Variants in LIMS1 observed in about 807,000 individuals in gnomAD.
The protein encoded by LIMS1 is LIM and senescent cell antigen-like-containing domain protein 1.
A neutral mutation model predicts 44.1 loss-of-function variants in LIMS1; 18 were observed. That is an observed-to-expected ratio of 0.41 (90% CI 0.28 to 0.61). The LOEUF is 0.61. Among genes scored for constraint, LIMS1 ranks in the 20% least tolerant of loss-of-function variants. LIMS1 has a pLI of 0.32. For missense variants in LIMS1, 201 were observed against 422.0 expected, an observed-to-expected ratio of 0.48 and a Z score of 4.59; for synonymous variants, 93 against 149.1, an observed-to-expected ratio of 0.62 and a Z score of 2.74.
At chr2:108,642,909 C>T (rs1284561018) in intron 1 of LIMS1, among the ~76,000 whole-genome samples, 1 of 152,150 alleles carries the variant, frequency 6.6e-6, no homozygotes, top group East Asian at 1.9e-4. Context: ...TACTGTGTGC[C>T]AACTTTGCAT....
At chr2:108,607,500 T>C (rs1276659167) in intron 1 of LIMS1, among the ~76,000 whole-genome samples, 2 of 152,204 alleles carry the variant, frequency 1.3e-5, no homozygotes, top group Non-Finnish European at 2.9e-5. Context: ...CTCTAATAAA[T>C]TTGCCTATTA....
intron 1 of LIMS1, among the ~76,000 whole-genome samples, chr2:108,650,882 A>G (rs1267885657): frequency 1.3e-5 from 2 of 150,298 alleles, no homozygotes; most frequent in Non-Finnish European, 3.0e-5. Context: ...TCATTCATTC[A>G]GCAGATTGTA....
At chr2:108,533,938 A>C (rs1341532180), upstream of LIMS1, 1 of 152,992 alleles carries the variant, frequency 6.5e-6, no homozygotes, top group Non-Finnish European at 1.5e-5. Context: ...CTTACCACAG[A>C]GCCCCCTCAG....
chr2:108,682,671 T>C (rs1484915091), intron 9 of LIMS1, among the ~76,000 whole-genome samples: 1 of 152,192 alleles, frequency 6.6e-6, no homozygotes, highest in Non-Finnish European at 1.5e-5. Flanking sequence ...TGTTTTAAAA[T>C]AGAAGATTTT....
At chr2:108,646,210 C>T (rs1690053044) in intron 1 of LIMS1, among the ~76,000 whole-genome samples, 1 of 152,134 alleles carries the variant, frequency 6.6e-6, no homozygotes, top group African/African-American at 2.4e-5. Context: ...AGCACTTATT[C>T]TAAAATTGAT....
intron 5 of LIMS1, among the ~76,000 whole-genome samples, chr2:108,675,247 A>G (rs1558841991): frequency 1.3e-5 from 2 of 151,784 alleles, no homozygotes; most frequent in Non-Finnish European, 1.5e-5. Flanking sequence ...TGGGAAGTCC[A>G]AGATCAAGGG....
At chr2:108,600,781 G>A (rs1224275876) in intron 1 of LIMS1, among the ~76,000 whole-genome samples, 1 of 152,202 alleles carries the variant, frequency 6.6e-6, no homozygotes, top group African/African-American at 2.4e-5. Context: ...TAGCTCTCCA[G>A]TATAATTGGA....
chr2:108,545,381 C>T lies in LIMS1; in HGVS notation c.32+10787C>T, dbSNP rs572533186. On this transcript the variant is annotated intron_variant, in intron 1 of 9. Coordinates refer to ENST00000544547, the Ensembl canonical transcript of LIMS1. ...CCCAAGTAGCTGGGATTACAGGCAT[C>T]CACCACCTCGCCTGGCTAATTTTTT... 2.8e-4 allele frequency among the ~76,000 whole-genome samples: 43 copies of T among 152,270 alleles called. 2 individuals carry two copies. In the South Asian group the frequency reaches 8.5e-3, roughly 30 times the overall value.
chr2:108,616,307 G>C (rs1012820565), intron 1 of LIMS1, among the ~76,000 whole-genome samples: 2 of 146,212 alleles, frequency 1.4e-5, no homozygotes, highest in Admixed American at 7.2e-5. Context: ...CCAGGCTCAA[G>C]TGATCATGAT....
At chr2:108,609,462 G>A (rs757521323) in intron 1 of LIMS1, among the ~76,000 whole-genome samples, 1 of 152,086 alleles carries the variant, frequency 6.6e-6, no homozygotes, top group Non-Finnish European at 1.5e-5. Context: ...AAACTGCCCG[G>A]CTCCCCGCAG....
intron 1 of LIMS1, among the ~76,000 whole-genome samples, chr2:108,646,121 A>G (rs969352154): frequency 5.3e-5 from 8 of 152,346 alleles, no homozygotes; most frequent in Non-Finnish European, 8.8e-5. Context: ...CAGGACTTGA[A>G]CTTAGCTCTG....
chr2:108,621,559 C>T (rs1022013343), intron 1 of LIMS1: 16 of 843,246 alleles, frequency 1.9e-5, no homozygotes, highest in Middle Eastern at 2.2e-4. Flanking sequence ...GGGAAGTACT[C>T]ATTGAAAAGT....
chr2:108,620,982 C>G (rs923856713), intron 1 of LIMS1, among the ~76,000 whole-genome samples: 1 of 152,156 alleles, frequency 6.6e-6, no homozygotes, highest in African/African-American at 2.4e-5. Flanking sequence ...TAGCGACTAC[C>G]TTACTGGAGC....
chr2:108,674,766 A>G (rs1469732068), intron 5 of LIMS1, among the ~76,000 whole-genome samples: 1 of 148,206 alleles, frequency 6.7e-6, no homozygotes, highest in Non-Finnish European at 1.5e-5. Flanking sequence ...GTTTGGTTGT[A>G]TAAGTTCAGC....
intron 1 of LIMS1, among the ~76,000 whole-genome samples, chr2:108,591,441 C>G (rs542095454): frequency 2.6e-5 from 4 of 151,974 alleles, no homozygotes; most frequent in Non-Finnish European, 4.4e-5. Context: ...AAAGAGGAAG[C>G]CTTCAGTGAA....
chr2:108,630,902 C>T (rs1005276756), intron 1 of LIMS1, among the ~76,000 whole-genome samples: 16 of 152,184 alleles, frequency 1.1e-4, no homozygotes, highest in Non-Finnish European at 2.1e-4. Context: ...TGGAAAAAAA[C>T]AGTATTTCTT....
intron 8 of LIMS1, 109 bp downstream of exon 8, chr2:108,678,136 G>A (rs2149012945): frequency 6.6e-7 from 1 of 1,514,738 alleles, no homozygotes; most frequent in East Asian, 2.3e-5. Flanking sequence ...ATCGTTATCA[G>A]TTACTTTTTC....
At chr2:108,546,905 C>T (rs1217751021) in intron 1 of LIMS1, among the ~76,000 whole-genome samples, 2 of 152,024 alleles carry the variant, frequency 1.3e-5, no homozygotes, top group East Asian at 1.9e-4. Flanking sequence ...TGAAGTATAA[C>T]GTTTTGCTTT....
intron 1 of LIMS1, among the ~76,000 whole-genome samples, chr2:108,624,071 G>T (rs1688420043): frequency 2.0e-5 from 3 of 152,166 alleles, no homozygotes; most frequent in Admixed American, 2.0e-4. Context: ...CACATACTTT[G>T]TACAGTGGAG....
Sources: gnomAD v4.1 joint callset for allele counts (sites outside exome capture counted in the v4.1 genomes callset) on GRCh38, gnomAD v4.1.1 for gene constraint, MANE v1.5 for transcripts, NCBI Gene and HGNC (gene_info 2026-07-23, HGNC 2026-07-21) for gene names.